Variants in TASP1 observed in about 807,000 individuals in gnomAD.
The protein encoded by TASP1 is threonine aspartase 1.
A neutral mutation model predicts 56.6 loss-of-function variants in TASP1; 16 were observed. The ratio of observed to expected loss-of-function variants is 0.28; its 90% CI spans 0.19 to 0.43. The LOEUF is 0.43. Ranked by LOEUF, TASP1 falls within the 20% of genes least tolerant of loss-of-function variation. TASP1 has a pLI of 1.00. For synonymous variants in TASP1, 179 were observed against 184.2 expected, an observed-to-expected ratio of 0.97 and a Z score of 0.23; for missense variants, 393 against 511.6, an observed-to-expected ratio of 0.77 and a Z score of 2.24.
At chr20:13,345,912 A>G in the TASP1 span, among the ~76,000 whole-genome samples, 2 of 129,754 alleles carry the variant, frequency 1.5e-5, no homozygotes, top group Non-Finnish European at 3.3e-5. Context: ...TCCTCTCAGT[A>G]GGTTAAAAAA....
chr20:13,339,043 G>A, the TASP1 span, among the ~76,000 whole-genome samples: 6 of 152,080 alleles, frequency 3.9e-5, no homozygotes, highest in African/African-American at 7.2e-5. Context: ...GGAAAAGAGC[G>A]ATTTGCCCAC....
intron 11 of TASP1, among the ~76,000 whole-genome samples, chr20:13,465,524 A>T (rs1208784607): frequency 6.6e-6 from 1 of 152,072 alleles, no homozygotes; most frequent in Non-Finnish European, 1.5e-5. Flanking sequence ...CACAGTAATT[A>T]ATTTATTTAT....
chr20:13,395,493 T>C (rs1269401668), intron 13 of TASP1, among the ~76,000 whole-genome samples: 5 of 152,226 alleles, frequency 3.3e-5, no homozygotes, highest in African/African-American at 1.2e-4. Flanking sequence ...TGAACTTTAA[T>C]ATAATCTGGA....
At chr20:13,483,602 G>C (rs946084005) in intron 10 of TASP1, among the ~76,000 whole-genome samples, 12 of 152,096 alleles carry the variant, frequency 7.9e-5, no homozygotes, top group Admixed American at 2.0e-4. Flanking sequence ...AGTATGTGTT[G>C]ACTGGTGTTA....
intron 11 of TASP1, among the ~76,000 whole-genome samples, chr20:13,439,948 G>A (rs530444158): frequency 9.2e-5 from 14 of 152,020 alleles, no homozygotes; most frequent in Middle Eastern, 3.4e-3. Flanking sequence ...CAACCTCCCC[G>A]TACAACTCAT....
intron 1 of TASP1, among the ~76,000 whole-genome samples, chr20:13,631,148 A>C (rs765148417): frequency 2.1e-4 from 32 of 152,138 alleles, no homozygotes; most frequent in Non-Finnish European, 3.4e-4. Flanking sequence ...TGGCATTTTT[A>C]AATTCCCTTA....
chr20:13,227,147 T>C, the TASP1 span, among the ~76,000 whole-genome samples: 6 of 152,198 alleles, frequency 3.9e-5, no homozygotes, highest in Admixed American at 2.6e-4. Flanking sequence ...TTTGTTTGGG[T>C]GTCTTTTCCA....
At chr20:13,138,962 G>A in the TASP1 span, among the ~76,000 whole-genome samples, 1 of 152,154 alleles carries the variant, frequency 6.6e-6, no homozygotes, top group Non-Finnish European at 1.5e-5. Flanking sequence ...ACTCAAAAGT[G>A]TATTTGACTT....
the TASP1 span, among the ~76,000 whole-genome samples, chr20:13,147,310 C>G: frequency 6.6e-6 from 1 of 152,178 alleles, no homozygotes; most frequent in Non-Finnish European, 1.5e-5. Context: ...GTTCTTTTCT[C>G]CACCCCACTG....
chr20:13,409,063 T>C (rs2042013837), intron 13 of TASP1, among the ~76,000 whole-genome samples: 1 of 152,092 alleles, frequency 6.6e-6, no homozygotes, highest in Non-Finnish European at 1.5e-5. Flanking sequence ...TTAAACTTTC[T>C]TTTCTACCAT....
the TASP1 span, among the ~76,000 whole-genome samples, chr20:13,250,413 G>A: frequency 0.19 from 28,745 of 152,116 alleles, 2,815 homozygotes; most frequent in East Asian, 0.25. Flanking sequence ...GTCCTTGGGG[G>A]CATATGGAGT....
At chr20:13,520,965 A>G (rs2044726911) in intron 10 of TASP1, among the ~76,000 whole-genome samples, 1 of 152,230 alleles carries the variant, frequency 6.6e-6, no homozygotes, top group Non-Finnish European at 1.5e-5. Context: ...TGGGCAAAGA[A>G]GATGAACAGA....
chr20:13,120,265 CT>C, the TASP1 span, among the ~76,000 whole-genome samples: 1,319 of 152,280 alleles, frequency 8.7e-3, 21 homozygotes, highest in African/African-American at 0.03. Context: ...GATGAATAAT[CT>C]CCCAGATACT....
the TASP1 span, among the ~76,000 whole-genome samples, chr20:13,195,678 C>T: frequency 1.3e-5 from 2 of 152,192 alleles, no homozygotes; most frequent in Non-Finnish European, 2.9e-5. Context: ...AGTTCTTGCG[C>T]TCATATCCTT....
At position 13,440,589 on chromosome 20, in the gene TASP1, T is replaced by C. The variant is rs73266854; in HGVS notation, c.986-5435A>G. 6.9e-3 allele frequency among the ~76,000 whole-genome samples: 1,055 copies of C among 151,932 alleles called. 14 individuals carry two copies. Among genetic ancestry groups the C allele is most frequent in the African/African-American group, 0.024 (1,006 of 41,412 alleles). On this transcript the variant is annotated intron_variant, in intron 11 of 13. Coordinates refer to ENST00000337743, the MANE Select transcript of TASP1 (RefSeq NM_017714.3). ...CTATTACCAAAAAAATAATAAGACT[T>C]GTACAAGAAATGAAATGGAATCACA...
chr20:13,215,638 G>A, the TASP1 span, among the ~76,000 whole-genome samples: 4 of 152,280 alleles, frequency 2.6e-5, no homozygotes, highest in South Asian at 2.1e-4. Context: ...TTTCACCACC[G>A]CTCCAGCCTT....
Position 13,559,008 on chromosome 20 carries a change from C to G in TASP1, c.675G>C (p.Lys225Asn), listed in dbSNP as rs1484848803. The change falls in exon 8 of 14, where the codon AAG (lysine) becomes AAC (asparagine). Residue 225 changes from lysine to asparagine, a missense_variant and splice_region_variant. Physicochemically the swap from Lys to Asn is moderately conservative, Grantham distance 94. Coordinates refer to ENST00000337743, the MANE Select transcript of TASP1 (RefSeq NM_017714.3). ...TTGAATATTTCAAACACCACCTGAC[C>G]TTCTCACTTGATTGTCTTCTTTTCT... ...QLKKRRQSSEKENDSGTLDTV... is the reference protein window; with the variant it reads ...QLKKRRQSSENENDSGTLDTV... The G allele has an allele frequency of 1.3e-6, 2 of 1,572,426 alleles. No individual in the cohort carries two copies. The highest frequency in any genetic ancestry group is 3.6e-5 in the Admixed American group (2 of 55,672).
intron 13 of TASP1, among the ~76,000 whole-genome samples, chr20:13,415,003 GC>G (rs1194483407): frequency 1.3e-5 from 2 of 152,118 alleles, no homozygotes; most frequent in Non-Finnish European, 2.9e-5. Flanking sequence ...TGGCCAGGTG[GC>G]CTCAGTTTCT....
chr20:13,523,709 G>A (rs544736108), intron 10 of TASP1, among the ~76,000 whole-genome samples: 1 of 152,210 alleles, frequency 6.6e-6, no homozygotes, highest in Non-Finnish European at 1.5e-5. Context: ...CCGTCCTCAG[G>A]TTTCTAGAAA....
Sources: gnomAD v4.1 joint callset for allele counts (sites outside exome capture counted in the v4.1 genomes callset) on GRCh38, gnomAD v4.1.1 for gene constraint, MANE v1.5 for transcripts, NCBI Gene and HGNC (gene_info 2026-07-23, HGNC 2026-07-21) for gene names.